CUBN: variants seen among roughly 807,000 people sequenced by gnomAD.
CUBN encodes the protein cubilin.
A neutral mutation model predicts 405.3 loss-of-function variants in CUBN; 282 were observed. The observed-to-expected ratio is 0.70, with a 90% CI of 0.63 to 0.77. CUBN has a LOEUF of 0.77. Ranked by LOEUF, CUBN falls within the 30% of genes least tolerant of loss-of-function variation. CUBN has a pLI of 0.00. For synonymous variants in CUBN, 1,684 were observed against 1,617.0 expected (o/e 1.04, Z -0.99); for missense variants, 4,514 against 4,475.2 (o/e 1.01, Z -0.25).
chr10:16,942,239 G>A (rs1169824735), intron 36 of CUBN, among the ~76,000 whole-genome samples: 3 of 152,082 alleles, frequency 2.0e-5, no homozygotes, highest in Non-Finnish European at 4.4e-5. Context: ...TAGCCACTTT[G>A]AATAATTATT....
At chr10:17,040,737 T>C (rs1002465229) in intron 27 of CUBN, among the ~76,000 whole-genome samples, 1 of 151,886 alleles carries the variant, frequency 6.6e-6, no homozygotes, top group Non-Finnish European at 1.5e-5. Flanking sequence ...AGAACAAACA[T>C]AAAAACAACC....
In CUBN at chr10:16,991,955, G is replaced by T. The variant is rs9733534; in HGVS notation, c.4169-1440C>A. On this transcript the variant is annotated intron_variant, in intron 28 of 66. Coordinates refer to ENST00000377833, the MANE Select transcript of CUBN (RefSeq NM_001081.4). ...ACACATGCACATGTATGTTTATTCC[G>T]GCACTATTCACAAGAGCAAAGACTT... Among the ~76,000 whole-genome samples the T allele has an allele frequency of 3.9e-5, 6 of 152,226 alleles. No homozygotes were observed. In the East Asian group the frequency reaches 9.7e-4, roughly 25 times the overall value.
At position 16,825,050 on chromosome 10, in the gene CUBN, T is replaced by G; in HGVS notation, c.10797A>C (p.Ser3599=). The change falls in exon 67 of 67, where the codon TCA becomes TCC. Residue 3599 remains serine, a synonymous_variant. Transcript: ENST00000377833. ...DTSIAPFVAS[S]NQVFIKFHAD... is the part of the protein sequence containing the mutation. ...CATGAAATTTTATGAAGACCTGATT[T>G]GAGGAAGCCACGAAGGGAGCTATGC... The G allele has an allele frequency of 6.2e-7, 1 of 1,613,792 alleles. No individual in the cohort carries two copies. Among genetic ancestry groups the G allele is most frequent in the Non-Finnish European group, 8.5e-7 (1 of 1,179,858 alleles).
At chr10:16,888,179 G>A (rs572542723) in intron 56 of CUBN, among the ~76,000 whole-genome samples, 14 of 152,204 alleles carry the variant, frequency 9.2e-5, no homozygotes, top group African/African-American at 2.6e-4. Flanking sequence ...TGCCAATAGC[G>A]AATAACAAGG....
chr10:16,987,196 GT>G (rs1290279210), intron 29 of CUBN, among the ~76,000 whole-genome samples: 1 of 152,178 alleles, frequency 6.6e-6, no homozygotes, highest in Non-Finnish European at 1.5e-5. Context: ...CAGGCAGAGT[GT>G]TTCCATGACC....
At chr10:16,904,150 T>C in intron 50 of CUBN, 35 bp from the exon 51 acceptor site, 1 of 1,603,834 alleles carries the variant, frequency 6.2e-7, no homozygotes, top group Non-Finnish European at 8.5e-7. Context: ...CCATCATTGA[T>C]ACAGCTTTTG....
chr10:16,875,778 T>C (rs1281998972), intron 57 of CUBN, among the ~76,000 whole-genome samples: 3 of 152,236 alleles, frequency 2.0e-5, no homozygotes, highest in African/African-American at 2.4e-5. Flanking sequence ...CTAGAATATA[T>C]TGAATCTTGA....
intron 36 of CUBN, among the ~76,000 whole-genome samples, chr10:16,940,943 G>C (rs1842634085): frequency 6.6e-6 from 1 of 152,160 alleles, no homozygotes; most frequent in Non-Finnish European, 1.5e-5. Context: ...ACCCGCTGGT[G>C]CTTGAATGTG....
At chr10:16,928,412 C>CCCATTA in intron 40 of CUBN, 109 bp from the exon 41 acceptor site, 2 of 1,178,176 alleles carry the variant, frequency 1.7e-6, no homozygotes, top group Non-Finnish European at 2.5e-6. Flanking sequence ...AACATCAGGA[C>CCCATTA]TCGTAGGAGA....
At chr10:17,065,387 T>G in intron 22 of CUBN, 121 bp downstream of exon 22, 1 of 1,274,372 alleles carries the variant, frequency 7.8e-7, no homozygotes, top group Non-Finnish European at 1.1e-6. Flanking sequence ...CCCTTTATTC[T>G]AAATATAGCT....
At chr10:16,959,473 A>G (rs1329171040) in intron 31 of CUBN, among the ~76,000 whole-genome samples, 1 of 152,116 alleles carries the variant, frequency 6.6e-6, no homozygotes, top group Non-Finnish European at 1.5e-5. Context: ...TACTAAAAAT[A>G]CAAAATTAGC....
chr10:17,032,953 A>T (rs193016233), intron 27 of CUBN, among the ~76,000 whole-genome samples: 10 of 152,182 alleles, frequency 6.6e-5, no homozygotes, highest in African/African-American at 1.9e-4. Context: ...CTCTGAAATC[A>T]TTCGATCTCA....
At chr10:17,082,523 AACC>A (rs1358424717) in intron 17 of CUBN, among the ~76,000 whole-genome samples, 3 of 152,178 alleles carry the variant, frequency 2.0e-5, no homozygotes, top group African/African-American at 7.2e-5. Context: ...AGTTCTTTAG[AACC>A]AGAGAATCAC....
At chr10:16,827,596 CCTTA>C (rs1838821309) in intron 66 of CUBN, among the ~76,000 whole-genome samples, 1 of 152,124 alleles carries the variant, frequency 6.6e-6, no homozygotes, top group African/African-American at 2.4e-5. Flanking sequence ...GCCAATTTTC[CCTTA>C]CTTACTCTCT....
intron 29 of CUBN, among the ~76,000 whole-genome samples, chr10:16,985,183 C>G (rs373264637): frequency 6.6e-6 from 1 of 152,240 alleles, no homozygotes; most frequent in Non-Finnish European, 1.5e-5. Context: ...TTTGGCCTGC[C>G]ACGTCCCCAT....
chr10:16,944,815 C>T (rs1414483658), intron 36 of CUBN, among the ~76,000 whole-genome samples: 1 of 152,152 alleles, frequency 6.6e-6, no homozygotes, highest in Admixed American at 6.5e-5. Context: ...ATCTCCCATC[C>T]TCTGGAAGGA....
chr10:16,849,278 T>C (rs1022141910), intron 60 of CUBN, among the ~76,000 whole-genome samples: 2 of 152,178 alleles, frequency 1.3e-5, no homozygotes, highest in African/African-American at 4.8e-5. Flanking sequence ...TATCTTTTCA[T>C]GACGCGTCTG....
At position 16,840,987 on chromosome 10, in the gene CUBN, G is replaced by A. The variant is rs377530111; in HGVS notation, c.9724C>T (p.Pro3242Ser). Residue 3242 changes from proline to serine, a missense_variant, in exon 61 of 67, where the codon CCT becomes TCT. Transcript: ENST00000377833. ...LAGTFCGSTV[P>S]APFISSGNFL... ...TTACCAGAAGAGATAAAAGGAGCAG[G>A]TACTGTGGAACCACAAAACGTTCCA... 24 of 1,613,902 alleles carry A rather than the reference G, an allele frequency of 1.5e-5. No individual in the cohort carries two copies. The highest frequency in any genetic ancestry group is 1.9e-5 in the Non-Finnish European group (22 of 1,179,964).
chr10:16,956,158 T>A (rs926401225), intron 31 of CUBN, among the ~76,000 whole-genome samples: 1 of 152,190 alleles, frequency 6.6e-6, no homozygotes, highest in African/African-American at 2.4e-5. Context: ...CAGGTATGAT[T>A]GGCAGGATAT....
Sources: allele counts gnomAD v4.1 joint callset (sites outside exome capture counted in the v4.1 genomes callset), GRCh38; gene constraint gnomAD v4.1.1; transcripts MANE v1.5; gene names NCBI Gene and HGNC (gene_info 2026-07-23, HGNC 2026-07-21).